BCAS3: variants seen among roughly 807,000 people sequenced by gnomAD.
The protein encoded by BCAS3 is BCAS3 microtubule associated cell migration factor.
BCAS3 carries 53 observed loss-of-function variants against 116.1 expected under a neutral mutation model. That is an observed-to-expected ratio of 0.46 (90% CI 0.37 to 0.57). The LOEUF is 0.57. Ranked by LOEUF, BCAS3 falls within the 20% of genes least tolerant of loss-of-function variation. The pLI is 0.00. For missense variants in BCAS3, 917 were observed against 1,165.4 expected (o/e 0.79, Z 3.10); for synonymous variants, 391 against 408.2 (o/e 0.96, Z 0.51).
At chr17:60,875,718 A>G (rs193113215) in intron 9 of BCAS3, among the ~76,000 whole-genome samples, 3 of 150,760 alleles carry the variant, frequency 2.0e-5, no homozygotes, top group Admixed American at 1.4e-4. Context: ...TTATGTAAAC[A>G]TGTAATAATA....
At chr17:60,906,383 T>C (rs182731892) in intron 11 of BCAS3, among the ~76,000 whole-genome samples, 1 of 152,318 alleles carries the variant, frequency 6.6e-6, no homozygotes, top group Admixed American at 6.5e-5. Context: ...CTGCAATAGC[T>C]GTGGTCACCT....
In BCAS3 at chr17:61,310,728, G is replaced by A. The variant is rs1191987387; in HGVS notation, c.2426-57599G>A. ...GAAGGGGGGCAGGCCTCTGTGCCCC[G>A]CCCTCCAAGAGCTCACCATCTAGTG... On this transcript the variant is annotated intron_variant, in intron 22 of 23. Coordinates refer to ENST00000407086, the MANE Select transcript of BCAS3 (RefSeq NM_017679.5). 2.6e-5 allele frequency among the ~76,000 whole-genome samples: 4 copies of A among 152,252 alleles called. 1 individual carries two copies. The highest frequency in any genetic ancestry group is 4.2e-4 in the South Asian group (2 of 4,816).
intron 15 of BCAS3, among the ~76,000 whole-genome samples, chr17:60,992,811 G>A (rs1475206625): frequency 1.3e-5 from 2 of 152,096 alleles, no homozygotes; most frequent in Admixed American, 1.3e-4. Context: ...TACATTTTTT[G>A]GTGTTAGTGT....
intron 22 of BCAS3, among the ~76,000 whole-genome samples, chr17:61,360,010 CTT>C (rs372435627): frequency 2.1e-5 from 3 of 140,514 alleles, no homozygotes; most frequent in Admixed American, 7.1e-5. Context: ...CATAACTTTT[CTT>C]TTTTTTTTTT....
intron 7 of BCAS3, among the ~76,000 whole-genome samples, chr17:60,842,894 C>T (rs986629756): frequency 2.0e-5 from 3 of 149,624 alleles, no homozygotes; most frequent in African/African-American, 7.4e-5. Context: ...TTTTTATAGA[C>T]AGGGTCTTGC....
chr17:61,340,444 T>C (rs2057059552), intron 22 of BCAS3, among the ~76,000 whole-genome samples: 1 of 151,952 alleles, frequency 6.6e-6, no homozygotes, highest in African/African-American at 2.4e-5. Flanking sequence ...GTGGAGAAGA[T>C]ATTGACAGTT....
At chr17:60,808,405 G>A (rs2048484921) in intron 7 of BCAS3, among the ~76,000 whole-genome samples, 1 of 152,186 alleles carries the variant, frequency 6.6e-6, no homozygotes, top group African/African-American at 2.4e-5. Context: ...AATGATTATG[G>A]TTTTGTTAGT....
rs553090842 is a variant in BCAS3, at chr17:61,367,171, C to T, written c.2426-1156C>T. ...AAGGCCTGATAAAGAGTGCGTGTTT[C>T]GTGTACTTTTAACTTTGGGAAACGT... On this transcript the variant is annotated intron_variant, in intron 22 of 23. Transcript: ENST00000407086. This position sits in a 1 kb window ranked among gnomAD's most constrained non-coding sequence, Gnocchi z 6.2. Among the ~76,000 whole-genome samples, 1 of 152,314 alleles carries T rather than the reference C, an allele frequency of 6.6e-6. No homozygotes were observed. The highest frequency in any genetic ancestry group is 2.4e-5 in the African/African-American group (1 of 41,574).
In BCAS3 at chr17:61,300,382, A is replaced by G. The variant is rs2053331167; in HGVS notation, c.2426-67945A>G. 1.3e-5 allele frequency among the ~76,000 whole-genome samples: 2 copies of G among 152,226 alleles called. No individual in the cohort carries two copies. The highest frequency in any genetic ancestry group is 1.9e-4 in the East Asian group (1 of 5,168). On this transcript the variant is annotated intron_variant, in intron 22 of 23. Transcript: ENST00000407086. The surrounding 1 kb of genome is among the most constrained non-coding windows in gnomAD (Gnocchi z 5.1). ...TTCAACTTCAGTTTTCTAAAGAGAA[A>G]ACTTGCTCCCTAAGCTCCCAGAAGG...
intron 22 of BCAS3, among the ~76,000 whole-genome samples, chr17:61,223,314 G>A (rs550243067): frequency 2.6e-5 from 4 of 151,946 alleles, no homozygotes; most frequent in East Asian, 3.9e-4. Flanking sequence ...GTGCCACCAC[G>A]CCTGGCTAAT....
rs1332963630 is a variant in BCAS3, at chr17:61,083,555, A to T, written c.2328-912A>T. Among the ~76,000 whole-genome samples, 1 of 151,856 alleles carries T rather than the reference A, an allele frequency of 6.6e-6. No homozygotes were observed. The highest frequency in any genetic ancestry group is 1.5e-5 in the Non-Finnish European group (1 of 67,990). Reference sequence around the variant, plus strand: ...TAATAGTATTTATTCTAATGCAGCTAGAAAGAGACACTCGGCATTTGGCAT... The same window carrying T: ...TAATAGTATTTATTCTAATGCAGCTTGAAAGAGACACTCGGCATTTGGCAT... On this transcript the variant is annotated intron_variant, in intron 21 of 23. Transcript: ENST00000407086. The surrounding 1 kb of genome is among the most constrained non-coding windows in gnomAD (Gnocchi z 4.9).
intron 6 of BCAS3, among the ~76,000 whole-genome samples, chr17:60,804,611 T>C (rs9675091): frequency 0.05 from 7,677 of 152,292 alleles, 529 homozygotes; most frequent in African/African-American, 0.15. Context: ...TTCGTTGTGT[T>C]GTTTTGCAGC....
intron 6 of BCAS3, among the ~76,000 whole-genome samples, chr17:60,803,124 G>A (rs1487696775): frequency 2.6e-5 from 4 of 152,098 alleles, no homozygotes; most frequent in Non-Finnish European, 5.9e-5. Context: ...GGATGATGAA[G>A]GGATGTTTCA....
At chr17:61,166,396 T>G in intron 22 of BCAS3, among the ~76,000 whole-genome samples, 1 of 138,394 alleles carries the variant, frequency 7.2e-6, no homozygotes, top group Non-Finnish European at 1.6e-5. Flanking sequence ...TCTCTCTTTT[T>G]TTTTTTTTTT....
At chr17:61,292,632 C>G (rs750668375) in intron 22 of BCAS3, among the ~76,000 whole-genome samples, 44 of 152,166 alleles carry the variant, frequency 2.9e-4, no homozygotes, top group Non-Finnish European at 5.6e-4. Context: ...GCCTGGGTGA[C>G]AGAGCGAGGC....
chr17:61,242,065 T>C (rs2047568462), intron 22 of BCAS3, among the ~76,000 whole-genome samples: 1 of 151,944 alleles, frequency 6.6e-6, no homozygotes, highest in Non-Finnish European at 1.5e-5. Flanking sequence ...TCACCTGAGG[T>C]TGGGAATTCG....
At position 61,381,931 on chromosome 17, in the gene BCAS3, A is replaced by T. The variant is rs1379872662; in HGVS notation, c.2594-10046A>T. 6.6e-6 allele frequency among the ~76,000 whole-genome samples: 1 copy of T among 152,056 alleles called. No homozygotes were observed. Among genetic ancestry groups the T allele is most frequent in the African/African-American group, 2.4e-5 (1 of 41,396 alleles). The stretch of plus-strand genomic sequence containing the variant: ...TCCCCAACTGGTCATCCTCTCCCCA[A>T]CCTTCATTGGTCTCTGGGTAGCAGC... On this transcript the variant is annotated intron_variant, in intron 23 of 23. Coordinates refer to ENST00000407086, the MANE Select transcript of BCAS3 (RefSeq NM_017679.5). This position sits in a 1 kb window ranked among gnomAD's most constrained non-coding sequence, Gnocchi z 6.0.
At chr17:60,987,814 C>G (rs2063243688) in intron 14 of BCAS3, among the ~76,000 whole-genome samples, 1 of 151,880 alleles carries the variant, frequency 6.6e-6, no homozygotes, top group African/African-American at 2.4e-5. Context: ...AATTTGGATG[C>G]CTTTTATTTC....
In BCAS3 at chr17:61,088,238, G is replaced by A. The variant is rs2087147993; in HGVS notation, c.2425+3674G>A. Among the ~76,000 whole-genome samples, 1 of 152,032 alleles carries A rather than the reference G, an allele frequency of 6.6e-6. No individual in the cohort carries two copies. The highest frequency in any genetic ancestry group is 1.9e-4 in the East Asian group (1 of 5,184). ...AACCATCCTACCTAAAATTTGTGGG[G>A]GTTAAATAATTGTAAGATGTTCCAT... is the stretch of plus-strand genomic sequence containing the variant. On this transcript the variant is annotated intron_variant, in intron 22 of 23. Transcript: ENST00000407086. The surrounding 1 kb of genome is among the most constrained non-coding windows in gnomAD (Gnocchi z 4.2).
Sources: allele counts gnomAD v4.1 joint callset (sites outside exome capture counted in the v4.1 genomes callset), GRCh38; gene constraint gnomAD v4.1.1; non-coding constraint Gnocchi (gnomAD v3.1); transcripts MANE v1.5; gene names NCBI Gene and HGNC (gene_info 2026-07-23, HGNC 2026-07-21).